Variants in PLCL1 observed in about 807,000 individuals in gnomAD.
The protein encoded by PLCL1 is inactive phospholipase C-like protein 1.
Under a neutral mutation model 84.4 loss-of-function variants are expected in PLCL1, and 41 were observed. That is an observed-to-expected ratio of 0.49 (90% CI 0.38 to 0.63). The LOEUF (loss-of-function observed/expected upper bound fraction) is 0.63, where lower values mean the gene tolerates loss of function less well. PLCL1 is among the 30% of genes least tolerant of loss of function. PLCL1 has a pLI of 0.00. For synonymous variants in PLCL1, 490 were observed against 488.3 expected (o/e 1.00, Z -0.05); for missense variants, 1,206 against 1,367.8 (o/e 0.88, Z 1.87).
At chr2:198,029,778 A>G (rs949804295) in intron 1 of PLCL1, among the ~76,000 whole-genome samples, 1 of 146,136 alleles carries the variant, frequency 6.8e-6, no homozygotes, top group African/African-American at 2.5e-5. Context: ...TTGGCTCACT[A>G]CGACTTCTGT....
chr2:197,877,406 A>T (rs181706490), intron 1 of PLCL1, among the ~76,000 whole-genome samples: 193 of 152,268 alleles, frequency 1.3e-3, no homozygotes, highest in African/African-American at 4.3e-3. Context: ...CATTAAAAAA[A>T]TTTGTGAAAT....
intron 1 of PLCL1, among the ~76,000 whole-genome samples, chr2:197,975,943 A>G (rs1297115776): frequency 6.6e-6 from 1 of 152,104 alleles, no homozygotes; most frequent in Non-Finnish European, 1.5e-5. Context: ...CCTCAAATTC[A>G]TACCTTTCTT....
chr2:197,826,949 C>G (rs1690942372), intron 1 of PLCL1, among the ~76,000 whole-genome samples: 1 of 152,116 alleles, frequency 6.6e-6, no homozygotes, highest in Non-Finnish European at 1.5e-5. Context: ...TGGATGTCAT[C>G]TTTGTCTCCT....
At chr2:197,928,275 C>T (rs1322428098) in intron 1 of PLCL1, among the ~76,000 whole-genome samples, 2 of 152,128 alleles carry the variant, frequency 1.3e-5, no homozygotes, top group Non-Finnish European at 2.9e-5. Context: ...ACTTAATTGT[C>T]ATGGTTAAAT....
At chr2:197,906,259 G>T (rs971622246) in intron 1 of PLCL1, among the ~76,000 whole-genome samples, 1 of 151,808 alleles carries the variant, frequency 6.6e-6, no homozygotes. Context: ...GTAAGGAAGG[G>T]GCCCAGTTTC....
At chr2:198,128,362 G>A (rs1422034401) in intron 5 of PLCL1, among the ~76,000 whole-genome samples, 1 of 152,098 alleles carries the variant, frequency 6.6e-6, no homozygotes, top group East Asian at 1.9e-4. Flanking sequence ...CCAGCTGTGC[G>A]GGAATCTGGA....
intron 1 of PLCL1, among the ~76,000 whole-genome samples, chr2:197,839,427 G>A (rs1209566336): frequency 6.6e-6 from 1 of 152,088 alleles, no homozygotes; most frequent in Non-Finnish European, 1.5e-5. Context: ...TCTCATAAGG[G>A]GCATGCAACC....
At chr2:197,859,024 C>T (rs953270233) in intron 1 of PLCL1, among the ~76,000 whole-genome samples, 5 of 152,102 alleles carry the variant, frequency 3.3e-5, no homozygotes, top group Admixed American at 1.3e-4. Flanking sequence ...TGGAAGGCCT[C>T]GTGACGTCTA....
chr2:197,951,430 G>A (rs1458090527), intron 1 of PLCL1, among the ~76,000 whole-genome samples: 2 of 152,068 alleles, frequency 1.3e-5, no homozygotes, highest in Non-Finnish European at 2.9e-5. Context: ...AATTAAGCTG[G>A]CTCTTCCCCT....
chr2:197,838,870 A>G (rs546663045), intron 1 of PLCL1, among the ~76,000 whole-genome samples: 2 of 152,240 alleles, frequency 1.3e-5, no homozygotes, highest in South Asian at 2.1e-4. Context: ...TCTCTGATTT[A>G]TCTAAAGAGA....
chr2:197,885,613 G>T (rs1687907166), intron 1 of PLCL1, among the ~76,000 whole-genome samples: 1 of 152,180 alleles, frequency 6.6e-6, no homozygotes, highest in Admixed American at 6.5e-5. Flanking sequence ...CCGTCAAGTT[G>T]ACACAAAAAT....
chr2:198,082,421 G>A (rs1203032159), intron 1 of PLCL1, among the ~76,000 whole-genome samples: 1 of 151,926 alleles, frequency 6.6e-6, no homozygotes, highest in Non-Finnish European at 1.5e-5. Context: ...TCCAGCCTGG[G>A]CAACAGAGCG....
intron 1 of PLCL1, among the ~76,000 whole-genome samples, chr2:197,868,589 T>C (rs1687590201): frequency 6.6e-6 from 1 of 152,062 alleles, no homozygotes; most frequent in Non-Finnish European, 1.5e-5. Context: ...GAGCCTCATC[T>C]CCTGGGCGCA....
chr2:197,819,364 C>G (rs1690761693), intron 1 of PLCL1, among the ~76,000 whole-genome samples: 1 of 152,052 alleles, frequency 6.6e-6, no homozygotes, highest in African/African-American at 2.4e-5. Context: ...GTGAGCAAGA[C>G]TGAGTAAGGA....
At chr2:197,957,565 T>C (rs964041708) in intron 1 of PLCL1, among the ~76,000 whole-genome samples, 1 of 152,056 alleles carries the variant, frequency 6.6e-6, no homozygotes, top group African/African-American at 2.4e-5. Flanking sequence ...GTTGTGACCA[T>C]TGGCATTCTA....
chr2:197,804,855 C>A lies in PLCL1; in HGVS notation c.-245C>A. ...TCCCGCTCACATCGCCTCCCCACTC[C>A]CGCCACCGTCCCCCGCCGGACTGCT... On this transcript the variant is annotated 5_prime_UTR_variant, in exon 1 of 6. Coordinates refer to ENST00000428675, the MANE Select transcript of PLCL1 (RefSeq NM_006226.4). 2.5e-6 allele frequency: 1 copy of A among 405,264 alleles called. No homozygotes were observed. Among genetic ancestry groups the A allele is most frequent in the Non-Finnish European group, 4.4e-6 (1 of 229,260 alleles). The allele number at this position is 405,264 out of a possible 1,614,324, so 25.1% of individuals were successfully genotyped here.
At chr2:198,103,371 A>G (rs1019842577) in intron 4 of PLCL1, among the ~76,000 whole-genome samples, 1 of 152,054 alleles carries the variant, frequency 6.6e-6, no homozygotes, top group Non-Finnish European at 1.5e-5. Flanking sequence ...TGTAATGTGT[A>G]ACAATTATAT....
intron 5 of PLCL1, among the ~76,000 whole-genome samples, chr2:198,104,205 A>T (rs1015549077): frequency 2.6e-5 from 4 of 151,660 alleles, no homozygotes; most frequent in Non-Finnish European, 5.9e-5. Flanking sequence ...CTCCATCCTC[A>T]TGTAGTCCCT....
chr2:197,922,565 C>A (rs1467121012), intron 1 of PLCL1, among the ~76,000 whole-genome samples: 2 of 133,092 alleles, frequency 1.5e-5, no homozygotes, highest in Non-Finnish European at 3.3e-5. Flanking sequence ...GGCAGAGGGG[C>A]TCCTTACTTC....
Sources: gnomAD v4.1 joint callset for allele counts (sites outside exome capture counted in the v4.1 genomes callset) on GRCh38, gnomAD v4.1.1 for gene constraint, MANE v1.5 for transcripts, NCBI Gene and HGNC (gene_info 2026-07-23, HGNC 2026-07-21) for gene names.